Variants in PAK4 observed in about 807,000 individuals in gnomAD.
PAK4 encodes the protein p21 (RAC1) activated kinase 4.
Under a neutral mutation model 53.5 loss-of-function variants are expected in PAK4, and 49 were observed. The observed-to-expected ratio is 0.92, with a 90% CI of 0.73 to 1.16. PAK4 has a LOEUF of 1.16. Ranked by LOEUF, PAK4 falls within the 50% of genes most tolerant of loss-of-function variation. PAK4 has a pLI of 0.00. For missense variants in PAK4, 824 were observed against 850.7 expected, an observed-to-expected ratio of 0.97 and a Z score of 0.39; for synonymous variants, 376 against 375.6, an observed-to-expected ratio of 1.00 and a Z score of -0.01.
chr19:39,160,648 C>T (rs753152307), intron 1 of PAK4, among the ~76,000 whole-genome samples: 6 of 152,134 alleles, frequency 3.9e-5, no homozygotes, highest in Non-Finnish European at 7.4e-5. Context: ...AGGCAGCCAG[C>T]GCGGCTGGAG....
chr19:39,165,419 G>T (rs1019556777), intron 1 of PAK4, among the ~76,000 whole-genome samples: 3 of 150,088 alleles, frequency 2.0e-5, no homozygotes, highest in Non-Finnish European at 4.4e-5. Context: ...GGAGGCTGAG[G>T]CAGGAGAATG....
intron 4 of PAK4, 86 bp downstream of exon 5, chr19:39,174,096 C>A (rs1383050287): frequency 2.3e-6 from 2 of 877,924 alleles, no homozygotes; most frequent in Non-Finnish European, 3.5e-6. Context: ...TCTCCCTGCA[C>A]TCCTCCGTGC....
At chr19:39,169,286 G>A (rs2074430746) in intron 1 of PAK4, among the ~76,000 whole-genome samples, 1 of 152,242 alleles carries the variant, frequency 6.6e-6, no homozygotes, top group Admixed American at 6.5e-5. Context: ...GGCCTTGTGG[G>A]CCCGCAGGAG....
At chr19:39,133,171 C>T (rs555868057) in intron 1 of PAK4, among the ~76,000 whole-genome samples, 1 of 152,366 alleles carries the variant, frequency 6.6e-6, no homozygotes, top group African/African-American at 2.4e-5. Context: ...CATCACCTCT[C>T]TGTGCCCGGG....
At chr19:39,136,909 C>T (rs2073825583) in intron 1 of PAK4, among the ~76,000 whole-genome samples, 1 of 152,158 alleles carries the variant, frequency 6.6e-6, no homozygotes, top group South Asian at 2.1e-4. Flanking sequence ...AGGGAGGAGG[C>T]TGAGGCAGCT....
chr19:39,131,727 G>T (rs548442611), intron 1 of PAK4, among the ~76,000 whole-genome samples: 2 of 152,340 alleles, frequency 1.3e-5, no homozygotes, highest in South Asian at 4.1e-4. Context: ...ACCCTTCCCA[G>T]GCTGGGAGGC....
chr19:39,161,428 C>G lies in PAK4; in HGVS notation c.-22-8104C>G, dbSNP rs186548133. ...GCCTATGAGCTCACGCTGCAGCCCT[C>G]GGCCAGTCCTGCCACCTCCACCTTT... On this transcript the variant is annotated intron_variant, in intron 1 of 8. Transcript: ENST00000358301. This position sits in a 1 kb window ranked among gnomAD's most constrained non-coding sequence, Gnocchi z 4.5. 6.6e-6 allele frequency among the ~76,000 whole-genome samples: 1 copy of G among 152,134 alleles called. No homozygotes were observed. The highest frequency in any genetic ancestry group is 1.5e-5 in the Non-Finnish European group (1 of 68,008).
chr19:39,173,739 G>A lies in PAK4; in HGVS notation c.827G>A (p.Cys276Tyr). 1 of 1,575,744 alleles carries A rather than the reference G, an allele frequency of 6.3e-7. No homozygotes were observed. ...GAGCCCCAGCTGGCCCCTCCAGCCT[G>A]CACCCCCGCCGCCCCTGCTGTTCCT... The change falls in exon 4 of 9, where the codon TGC becomes TAC. Residue 276 changes from cysteine (C) to tyrosine (Y), a missense_variant. This residue lies in a region of PAK4 where 478 missense variants were observed against 435.8 expected (regional missense o/e 1.10). Transcript: ENST00000358301. The surrounding 1 kb of genome is among the most constrained non-coding windows in gnomAD (Gnocchi z 6.9).
Position 39,173,213 on chromosome 19 carries a change from CA to C in PAK4, c.501del (p.Gly169ValfsTer200), listed in dbSNP as rs1568527063. ...AGGCCCAAGTCTTCCAGGGAGGGCT[CA>C]GGGGGTCCCCAGGAGTCCTCCCGGG... On this transcript the variant is annotated frameshift_variant, in exon 3 of 9. Coordinates refer to ENST00000358301, the Ensembl canonical transcript of PAK4. LOFTEE classifies it high-confidence loss of function. This position sits in a 1 kb window ranked among gnomAD's most constrained non-coding sequence, Gnocchi z 6.9. The C allele has an allele frequency of 1.3e-6, 2 of 1,556,944 alleles. No individual in the cohort carries two copies. Among genetic ancestry groups the C allele is most frequent in the East Asian group, 2.4e-5 (1 of 41,762 alleles).
intron 1 of PAK4, among the ~76,000 whole-genome samples, chr19:39,147,955 T>TC (rs1491210793): frequency 0.022 from 481 of 21,942 alleles, 2 homozygotes; most frequent in Middle Eastern, 0.05. Context: ...ATTCTCTCTC[T>TC]TTTTTTTTTT....
intron 4 of PAK4, among the ~76,000 whole-genome samples, chr19:39,174,460 C>A (rs2074560578): frequency 6.6e-6 from 1 of 151,592 alleles, no homozygotes; most frequent in African/African-American, 2.4e-5. Flanking sequence ...TCCTTAGAGA[C>A]CCTGGCAGTG....
intron 1 of PAK4, chr19:39,168,538 A>G (rs2074417339): frequency 6.6e-6 from 1 of 152,274 alleles, no homozygotes; most frequent in Non-Finnish European, 1.5e-5. Flanking sequence ...CACAGCACAG[A>G]GAGGTTGTCA....
At chr19:39,169,399 A>AG (rs1176259426) in intron 1 of PAK4, 133 bp from the exon 3 acceptor site, 2 of 673,862 alleles carry the variant, frequency 3.0e-6, no homozygotes, top group Non-Finnish European at 5.3e-6. Flanking sequence ...GGGGGTGGGC[A>AG]GGGAGACCCA....
chr19:39,177,718 A>G, exon 8 of PAK4: 16 of 1,613,600 alleles, frequency 9.9e-6, no homozygotes, highest in Middle Eastern at 1.7e-4. Flanking sequence ...GAGATGGTGG[A>G]CGGAGAGCCC....
At chr19:39,174,087 C>T (rs2074552180) in intron 4 of PAK4, 77 bp downstream of exon 5, 2 of 911,252 alleles carry the variant, frequency 2.2e-6, no homozygotes, top group Middle Eastern at 3.3e-4. Flanking sequence ...CCTCCCTCCT[C>T]TCCCTGCACT....
chr19:39,180,140 C>T (rs2074685428), downstream of PAK4: 1 of 152,224 alleles, frequency 6.6e-6, no homozygotes. Flanking sequence ...CAGGTTAGTC[C>T]ACGCCTCCCA....
At chr19:39,176,795 G>C (rs2074614900) in intron 7 of PAK4, 80 bp downstream of exon 8, 1 of 1,543,224 alleles carries the variant, frequency 6.5e-7, no homozygotes. Context: ...GGCGGGAGAT[G>C]GGGCCCAGTC....
intron 1 of PAK4, among the ~76,000 whole-genome samples, chr19:39,153,170 C>A (rs975147219): frequency 6.6e-6 from 1 of 152,006 alleles, no homozygotes; most frequent in African/African-American, 2.4e-5. Context: ...ATGTAGCCAC[C>A]CCTCCAGGTG....
intron 2 of PAK4, among the ~76,000 whole-genome samples, chr19:39,170,742 G>C (rs780315394): frequency 3.3e-5 from 5 of 152,266 alleles, no homozygotes; most frequent in Non-Finnish European, 7.3e-5. Flanking sequence ...CACAAGTGCA[G>C]CCTCAATGTG....
Sources: allele counts gnomAD v4.1 joint callset (sites outside exome capture counted in the v4.1 genomes callset), GRCh38; gene constraint gnomAD v4.1.1; regional missense constraint gnomAD v4.1.1; non-coding constraint Gnocchi (gnomAD v3.1); transcripts MANE v1.5; gene names NCBI Gene and HGNC (gene_info 2026-07-23, HGNC 2026-07-21).